Variants in RASGRP2 observed in about 807,000 individuals in gnomAD.
RASGRP2 encodes RAS guanyl-releasing protein 2.
A neutral mutation model predicts 71.0 loss-of-function variants in RASGRP2; 44 were observed. The observed-to-expected ratio is 0.62, with a 90% CI of 0.49 to 0.80. The LOEUF (loss-of-function observed/expected upper bound fraction) is 0.80. RASGRP2 is among the 30% of genes least tolerant of loss of function. The probability of loss-of-function intolerance (pLI) is 0.00; values close to 1 mark genes in which losing one functional copy is unlikely to be tolerated. For synonymous variants in RASGRP2, 350 were observed against 330.7 expected (o/e 1.06, Z -0.63); for missense variants, 663 against 813.4 (o/e 0.82, Z 2.25).
At chr11:64,738,560 C>A (rs1223800910) in intron 8 of RASGRP2, among the ~76,000 whole-genome samples, 1 of 152,082 alleles carries the variant, frequency 6.6e-6, no homozygotes, top group Non-Finnish European at 1.5e-5. Context: ...CTGCCTCAGC[C>A]TCCCAAGTAG....
Position 64,735,816 on chromosome 11 carries a change from G to A in RASGRP2, c.1173+87C>T, listed in dbSNP as rs2135757412. On this transcript the variant is annotated intron_variant, in intron 10 of 16. Coordinates refer to ENST00000394432, the MANE Select transcript of RASGRP2 (RefSeq NM_001098671.2). The surrounding 1 kb of genome is among the most constrained non-coding windows in gnomAD (Gnocchi z 4.2). Reference sequence around the variant, plus strand: ...TCTGTCCTACAAGATGGATGGGTGAGGTGGCTGCTAAGAGCTCTTCCCATC... The same window carrying A: ...TCTGTCCTACAAGATGGATGGGTGAAGTGGCTGCTAAGAGCTCTTCCCATC... 2.7e-6 allele frequency: 4 copies of A among 1,490,008 alleles called. No homozygotes were observed. In the East Asian group the frequency reaches 7.1e-5, roughly 26 times the overall value. The allele number at this position is 1,490,008 out of a possible 1,614,324, so 92.3% of individuals were successfully genotyped here.
chr11:64,731,374 AAG>A (rs1211331695), intron 12 of RASGRP2, among the ~76,000 whole-genome samples: 7 of 151,852 alleles, frequency 4.6e-5, no homozygotes, highest in Non-Finnish European at 1.0e-4. Context: ...AAAAAAAAAA[AAG>A]AAAAGATATA....
chr11:64,729,734 A>C, intron 14 of RASGRP2, 28 bp downstream of exon 14: 1 of 1,611,902 alleles, frequency 6.2e-7, no homozygotes, highest in Non-Finnish European at 8.5e-7. Flanking sequence ...AACACTGCCC[A>C]GCAGCCCTTC....
intron 3 of RASGRP2, 21 bp downstream of exon 3, chr11:64,741,989 G>C (rs771291992): frequency 1.3e-6 from 2 of 1,593,244 alleles, no homozygotes; most frequent in Non-Finnish European, 1.7e-6. Context: ...CGGGGGCCTT[G>C]GCAAGGCCGG....
intron 8 of RASGRP2, among the ~76,000 whole-genome samples, chr11:64,738,546 C>T (rs1042547486): frequency 1.1e-4 from 17 of 152,050 alleles, no homozygotes; most frequent in South Asian, 2.1e-4. Context: ...AAGTAATTCT[C>T]CTCCTGCCTC....
intron 14 of RASGRP2, among the ~76,000 whole-genome samples, chr11:64,729,386 G>A (rs1391063230): frequency 6.6e-6 from 1 of 151,784 alleles, no homozygotes; most frequent in Non-Finnish European, 1.5e-5. Flanking sequence ...GCCCAGGCTG[G>A]AGTGCAGTGG....
intron 8 of RASGRP2, among the ~76,000 whole-genome samples, chr11:64,737,979 G>A (rs1388353034): frequency 2.6e-5 from 4 of 151,768 alleles, no homozygotes; most frequent in South Asian, 2.1e-4. Flanking sequence ...CCAGGAGACG[G>A]AAGTTGCAGT....
At chr11:64,731,960 T>C (rs139939598) in intron 12 of RASGRP2, among the ~76,000 whole-genome samples, 3 of 152,326 alleles carry the variant, frequency 2.0e-5, no homozygotes, top group Non-Finnish European at 4.4e-5. Flanking sequence ...AATACTGGCC[T>C]GAGTGGATCA....
chr11:64,735,731 G>C lies in RASGRP2; in HGVS notation c.1174-67C>G. ...GAAGCCCAGAGCCCCGGGGAACAGAGAGGGGAATCCCTGGGAGAGGGAAGT... is the reference window on the plus strand; with the variant it reads ...GAAGCCCAGAGCCCCGGGGAACAGACAGGGGAATCCCTGGGAGAGGGAAGT... On this transcript the variant is annotated intron_variant, in intron 10 of 16. Transcript: ENST00000394432. The surrounding 1 kb of genome is among the most constrained non-coding windows in gnomAD (Gnocchi z 4.2). 2 of 1,560,594 alleles carry C rather than the reference G, an allele frequency of 1.3e-6. 1 individual carries two copies. The highest frequency in any genetic ancestry group is 4.6e-5 in the East Asian group (2 of 43,318).
intron 5 of RASGRP2, 128 bp downstream of exon 5, chr11:64,740,820 A>G: frequency 8.0e-7 from 1 of 1,251,598 alleles, no homozygotes; most frequent in East Asian, 2.4e-5. Context: ...GGCAATAGGG[A>G]GCCATGGAAG....
At chr11:64,737,801 C>A (rs1251711530) in intron 8 of RASGRP2, among the ~76,000 whole-genome samples, 1 of 151,968 alleles carries the variant, frequency 6.6e-6, no homozygotes, top group Non-Finnish European at 1.5e-5. Flanking sequence ...CACCTGTAAT[C>A]CCAGCACTTT....
Position 64,742,545 on chromosome 11 carries a change from CAG to C in RASGRP2, c.73+247_73+248del. 1.7e-6 allele frequency: 1 copy of C among 600,266 alleles called. No individual in the cohort carries two copies. The highest frequency in any genetic ancestry group is 2.8e-5 in the East Asian group (1 of 35,868). The allele number at this position is 600,266 out of a possible 1,614,324, so 37.2% of individuals were successfully genotyped here. A position where few individuals can be genotyped will look rare whatever the true frequency, so the allele number is the denominator to read the frequency against. ...GAGACAGATAATGCCCCTCAAGTGT[CAG>C]AGTCCGGGACCCGGCCCTCCCTTCG... On this transcript the variant is annotated intron_variant, in intron 2 of 16. Transcript: ENST00000394432. This position sits in a 1 kb window ranked among gnomAD's most constrained non-coding sequence, Gnocchi z 4.7.
chr11:64,744,144 C>T (rs1010746406), upstream of RASGRP2: 7 of 986,958 alleles, frequency 7.1e-6, no homozygotes, highest in Middle Eastern at 1.0e-3. Context: ...CAAGGCAGTG[C>T]CTCTCCACGC....
At position 64,743,058 on chromosome 11, in the gene RASGRP2, G is replaced by A; in HGVS notation, c.-71-121C>T. The A allele has an allele frequency of 1.7e-6, 2 of 1,143,220 alleles. No individual in the cohort carries two copies. Among genetic ancestry groups the A allele is most frequent in the Non-Finnish European group, 2.5e-6 (2 of 791,382 alleles). 70.8% of individuals were successfully genotyped at this position (1,143,220 alleles called of 1,614,324 possible). On this transcript the variant is annotated intron_variant, in intron 1 of 16. Transcript: ENST00000394432. This position sits in a 1 kb window ranked among gnomAD's most constrained non-coding sequence, Gnocchi z 4.9. Reference sequence around the variant, plus strand: ...GGACAGGGGCGGAGTTGTCCCCCGCGGCCACTCCCGGGGTTAAACGGTCTG... The same window carrying A: ...GGACAGGGGCGGAGTTGTCCCCCGCAGCCACTCCCGGGGTTAAACGGTCTG...
intron 9 of RASGRP2, 112 bp downstream of exon 9, chr11:64,736,641 C>A (rs755675931): frequency 2.4e-5 from 29 of 1,229,260 alleles, no homozygotes; most frequent in Middle Eastern, 2.7e-4. Flanking sequence ...CACGCTAGAT[C>A]TCAGTTTCTT....
At chr11:64,738,047 A>T (rs2058004584) in intron 8 of RASGRP2, among the ~76,000 whole-genome samples, 3 of 152,326 alleles carry the variant, frequency 2.0e-5, no homozygotes, top group Middle Eastern at 3.4e-3. Flanking sequence ...CCATCTCAAA[A>T]AAATAAATAA....
rs2057898974 is a variant in RASGRP2 at position 64,735,396 on chromosome 11, AG to A, written c.1296+145del. 1.4e-6 allele frequency: 2 copies of A among 1,464,392 alleles called. No individual in the cohort carries two copies. The highest frequency in any genetic ancestry group is 1.1e-5 in the South Asian group (1 of 87,486). The allele number at this position is 1,464,392 out of a possible 1,614,324, so 90.7% of individuals were successfully genotyped here. ...CCCCCACCCTACCCAGGGGCACTTC[AG>A]CCCCGTGCAGCTGGCCTGCCAGGCC... On this transcript the variant is annotated intron_variant, in intron 11 of 16. Coordinates refer to ENST00000394432, the MANE Select transcript of RASGRP2 (RefSeq NM_001098671.2). This position sits in a 1 kb window ranked among gnomAD's most constrained non-coding sequence, Gnocchi z 4.2.
At position 64,743,188 on chromosome 11, in the gene RASGRP2, C is replaced by T. The variant is rs1348592146; in HGVS notation, c.-71-251G>A. The T allele has an allele frequency of 5.3e-6, 3 of 569,064 alleles. No homozygotes were observed. Among genetic ancestry groups the T allele is most frequent in the Non-Finnish European group, 1.0e-5 (3 of 300,042 alleles). 35.3% of individuals were successfully genotyped at this position (569,064 alleles called of 1,614,324 possible). ...CCGAGGGGCTTCACGAGGATGGGGA[C>T]GAACCAAGATCCCAGGACTGGCTGG... On this transcript the variant is annotated intron_variant, in intron 1 of 16. Coordinates refer to ENST00000394432, the MANE Select transcript of RASGRP2 (RefSeq NM_001098671.2). The surrounding 1 kb of genome is among the most constrained non-coding windows in gnomAD (Gnocchi z 4.9).
intron 8 of RASGRP2, among the ~76,000 whole-genome samples, chr11:64,738,975 T>A (rs1352707393): frequency 1.7e-4 from 20 of 119,914 alleles, no homozygotes; most frequent in Admixed American, 1.1e-3. Flanking sequence ...AAAAAAAAAA[T>A]TAATAACAAT....
Sources: allele counts gnomAD v4.1 joint callset (sites outside exome capture counted in the v4.1 genomes callset), GRCh38; gene constraint gnomAD v4.1.1; non-coding constraint Gnocchi (gnomAD v3.1); transcripts MANE v1.5; gene names NCBI Gene and HGNC (gene_info 2026-07-23, HGNC 2026-07-21).